CDC14B: variants seen among roughly 807,000 people sequenced by gnomAD.
CDC14B encodes cell division cycle 14B.
In CDC14B, 22 loss-of-function variants were observed where a neutral mutation model predicts 64.2. The observed-to-expected ratio is 0.34, with a 90% CI of 0.24 to 0.49. The LOEUF (loss-of-function observed/expected upper bound fraction) is 0.49. CDC14B is among the 20% of genes least tolerant of loss of function. The probability of loss-of-function intolerance (pLI) is 0.99; values close to 1 mark genes in which losing one functional copy is unlikely to be tolerated. For synonymous variants in CDC14B, 191 were observed against 215.8 expected, an observed-to-expected ratio of 0.89 and a Z score of 1.01; for missense variants, 498 against 629.9, an observed-to-expected ratio of 0.79 and a Z score of 2.24.
chr9:96,542,758 C>G (rs891073975), intron 5 of CDC14B, among the ~76,000 whole-genome samples: 1 of 152,048 alleles, frequency 6.6e-6, no homozygotes, highest in African/African-American at 2.4e-5. Context: ...GGCATGTAAT[C>G]CCAGCACTTA....
At chr9:96,496,531 C>T (rs901475775), downstream of CDC14B, among the ~76,000 whole-genome samples, 1 of 152,262 alleles carries the variant, frequency 6.6e-6, no homozygotes, top group African/African-American at 2.4e-5. Flanking sequence ...AGCCGTTACC[C>T]TCCAGCCTGG....
intron 1 of CDC14B, among the ~76,000 whole-genome samples, chr9:96,613,763 C>A (rs527797554): frequency 5.9e-5 from 9 of 152,294 alleles, no homozygotes; most frequent in African/African-American, 1.9e-4. Context: ...ACACAAAACT[C>A]TTGAAGAAAA....
chr9:96,572,562 A>T (rs1421198714), intron 1 of CDC14B, among the ~76,000 whole-genome samples: 3 of 152,214 alleles, frequency 2.0e-5, no homozygotes, highest in African/African-American at 7.2e-5. Context: ...GAGATAAAAA[A>T]TCTAGGAAGG....
intron 1 of CDC14B, among the ~76,000 whole-genome samples, chr9:96,572,966 A>T (rs959202957): frequency 2.0e-5 from 3 of 152,200 alleles, no homozygotes; most frequent in Admixed American, 6.5e-5. Context: ...GAAAACTGGA[A>T]AGGAAGAATC....
chr9:96,541,982 T>C lies in CDC14B; in HGVS notation c.498-90A>G, dbSNP rs1840126035. ...AAGGTGACTAGAATTTAAAATCAAA[T>C]GTACACTCTGAACCATTATCAAGAA... On this transcript the variant is annotated intron_variant, in intron 5 of 13. Coordinates refer to ENST00000375241, the MANE Select transcript of CDC14B (RefSeq NM_033331.4). 3.7e-6 allele frequency: 3 copies of C among 820,226 alleles called. No homozygotes were observed. The African/African-American group carries it at 5.1e-5, about 14-fold the overall frequency. 50.8% of individuals were successfully genotyped at this position (820,226 alleles called of 1,614,324 possible). A position where few individuals can be genotyped will look rare whatever the true frequency, so the allele number is the denominator to read the frequency against.
intron 1 of CDC14B, chr9:96,618,879 G>A (rs1847807502): frequency 5.8e-5 from 19 of 329,978 alleles, no homozygotes; most frequent in South Asian, 5.1e-4. Flanking sequence ...GAATCCACAG[G>A]AACTCAGAAG....
At chr9:96,575,312 A>G (rs2118145246) in intron 1 of CDC14B, among the ~76,000 whole-genome samples, 1 of 152,252 alleles carries the variant, frequency 6.6e-6, no homozygotes, top group Non-Finnish European at 1.5e-5. Context: ...AAGCCTGGTA[A>G]TTTTAATCTT....
rs865791838 is a variant in CDC14B, at chr9:96,583,515, G to A, written c.161-18032C>T. ...GGGTTCAAGCGATTCTCCTGCCTCA[G>A]TCTCAAGAGTAGCTGGGACTACAGG... is the stretch of plus-strand genomic sequence containing the variant. On this transcript the variant is annotated intron_variant, in intron 1 of 13. Transcript: ENST00000375241. Among the ~76,000 whole-genome samples, 129 of 151,154 alleles carry A rather than the reference G, an allele frequency of 8.5e-4. 1 individual carries two copies. Among genetic ancestry groups the A allele is most frequent in the Middle Eastern group, 3.4e-3 (1 of 292 alleles).
intron 1 of CDC14B, among the ~76,000 whole-genome samples, chr9:96,606,314 C>G (rs1331902655): frequency 1.0e-5 from 1 of 98,684 alleles, no homozygotes; most frequent in Admixed American, 1.6e-4. Context: ...GCCTGGGGAA[C>G]AGGGCAAGAC....
chr9:96,552,333 A>G (rs980273574), intron 4 of CDC14B, among the ~76,000 whole-genome samples: 6 of 152,210 alleles, frequency 3.9e-5, no homozygotes, highest in Non-Finnish European at 7.3e-5. Context: ...AGGGCTTGCA[A>G]TACTGAACAA....
chr9:96,571,819 T>C (rs1329320944), intron 1 of CDC14B, among the ~76,000 whole-genome samples: 1 of 152,144 alleles, frequency 6.6e-6, no homozygotes, highest in Non-Finnish European at 1.5e-5. Context: ...GGCTCTAATA[T>C]GACTGTGAGC....
chr9:96,542,223 G>A (rs1840160075), intron 5 of CDC14B, among the ~76,000 whole-genome samples: 1 of 144,548 alleles, frequency 6.9e-6, no homozygotes, highest in Non-Finnish European at 1.5e-5. Flanking sequence ...CCCCCAAAGG[G>A]GCAAAGCATT....
At chr9:96,496,392 T>C, downstream of CDC14B, 1 of 481,804 alleles carries the variant, frequency 2.1e-6, no homozygotes. Context: ...AGCGCTGTAC[T>C]TACCACCACC....
chr9:96,573,074 C>T (rs1467201780), intron 1 of CDC14B, among the ~76,000 whole-genome samples: 2 of 152,018 alleles, frequency 1.3e-5, no homozygotes, highest in African/African-American at 2.4e-5. Context: ...TTTGGGAGGC[C>T]GAGGCGGGTG....
chr9:96,492,572 T>TG (rs1174100660), exon 14 of CDC14B: 1 of 152,162 alleles, frequency 6.6e-6, no homozygotes, highest in African/African-American at 2.4e-5. Flanking sequence ...GGTGAAACCC[T>TG]GTCTCTACTA....
At chr9:96,525,600 G>A (rs569104722) in intron 9 of CDC14B, among the ~76,000 whole-genome samples, 78 of 152,344 alleles carry the variant, frequency 5.1e-4, no homozygotes, top group Non-Finnish European at 1.1e-3. Flanking sequence ...GAGCCAAAGA[G>A]GATGATTCTC....
chr9:96,532,172 A>G (rs1161634151), intron 9 of CDC14B, among the ~76,000 whole-genome samples: 1 of 152,222 alleles, frequency 6.6e-6, no homozygotes, highest in Non-Finnish European at 1.5e-5. Flanking sequence ...ATAATGGTCC[A>G]TGTATTTGCC....
chr9:96,538,856 G>A, intron 7 of CDC14B: 1 of 470,850 alleles, frequency 2.1e-6, no homozygotes. Flanking sequence ...ATCTGCTAGA[G>A]TACATCTCAG....
chr9:96,503,901 A>G (rs1201451546), intron 13 of CDC14B, 112 bp from the exon 14 acceptor site: 4 of 784,198 alleles, frequency 5.1e-6, no homozygotes, highest in Non-Finnish European at 8.6e-6. Flanking sequence ...TAAAAAGTAT[A>G]CGCTTGCTGT....
Sources: allele counts gnomAD v4.1 joint callset (sites outside exome capture counted in the v4.1 genomes callset), GRCh38; gene constraint gnomAD v4.1.1; transcripts MANE v1.5; gene names NCBI Gene and HGNC (gene_info 2026-07-23, HGNC 2026-07-21).